Variants in USP26 observed in about 807,000 individuals in gnomAD.
USP26 encodes ubiquitin specific peptidase 26.
For synonymous variants in USP26, 236 were observed against 240.6 expected, an observed-to-expected ratio of 0.98 and a Z score of 0.18; for missense variants, 649 against 642.3, an observed-to-expected ratio of 1.01 and a Z score of -0.11.
At position 133,032,161 on chromosome X, in the gene USP26, G is replaced by A. The variant is rs1490974422; in HGVS notation, c.-76-3865C>T. 4.6e-5 allele frequency among the ~76,000 whole-genome samples: 5 copies of A among 109,620 alleles called. 1 individual carries two copies. Among genetic ancestry groups the A allele is most frequent in the African/African-American group, 1.7e-4 (5 of 29,883 alleles). The stretch of plus-strand genomic sequence containing the variant: ...GAAACTCTGTCTCAAAAAAGCAAAA[G>A]AAAAAAACCCAACCAACCAACCAAC... On this transcript the variant is annotated intron_variant, in intron 5 of 5. Transcript: ENST00000511190.
At chrX:133,045,293 C>T (rs948137270) in intron 5 of USP26, among the ~76,000 whole-genome samples, 13 of 111,763 alleles carry the variant, frequency 1.2e-4, no homozygotes, top group South Asian at 3.8e-4. Context: ...GGATTGTAAA[C>T]GCACCAATCA....
At chrX:133,050,573 G>A (rs1453032813) in intron 5 of USP26, among the ~76,000 whole-genome samples, 1 of 111,231 alleles carries the variant, frequency 9.0e-6, no homozygotes, top group Non-Finnish European at 1.9e-5. Flanking sequence ...ATTCACTAGA[G>A]GATAGAATAA....
chrX:133,040,533 G>A (rs1274658261), intron 5 of USP26, among the ~76,000 whole-genome samples: 1 of 111,781 alleles, frequency 8.9e-6, no homozygotes, highest in African/African-American at 3.3e-5. Flanking sequence ...CTCTTTTCTG[G>A]CTTGTAGGGT....
intron 4 of USP26, among the ~76,000 whole-genome samples, chrX:133,085,312 T>A (rs2067585090): frequency 1.8e-5 from 2 of 112,578 alleles, no homozygotes; most frequent in African/African-American, 3.2e-5. Flanking sequence ...TGGTTTTCCA[T>A]TCCTGAGTTA....
At chrX:133,074,199 C>A (rs1399960480) in intron 5 of USP26, among the ~76,000 whole-genome samples, 1 of 112,250 alleles carries the variant, frequency 8.9e-6, no homozygotes, top group Admixed American at 9.4e-5. Context: ...CAGTATCAGA[C>A]TGTGGACTAA....
At position 133,025,480 on chromosome X, in the gene USP26, T is replaced by C. The variant is rs776239206; in HGVS notation, c.2741A>G (p.Ter914=). The C allele has an allele frequency of 6.1e-5, 74 of 1,209,239 alleles. No homozygotes were observed. The highest frequency in any genetic ancestry group is 7.9e-5 in the Non-Finnish European group (71 of 895,012). ...TGTACAAGGAGGAGTACGTTCCTCT[T>C]ATTCCTTCTGAAGGGTCTCCTCTAC... ...KEVEETLQKE[*] Residue 914 remains the stop codon, a stop_retained_variant, in exon 6 of 6, where the codon TAA becomes TGA. Transcript: ENST00000511190.
intron 5 of USP26, among the ~76,000 whole-genome samples, chrX:133,045,677 C>T (rs1190264097): frequency 9.0e-6 from 1 of 111,168 alleles, no homozygotes; most frequent in Non-Finnish European, 1.9e-5. Context: ...CAGCTTCGCT[C>T]CTGAGCCAGC....
intron 5 of USP26, among the ~76,000 whole-genome samples, chrX:133,061,481 T>C (rs2067494075): frequency 8.9e-6 from 1 of 112,792 alleles, no homozygotes. Flanking sequence ...TGTGAAATGT[T>C]TGCCCTAATA....
At chrX:133,096,335 G>A (rs1043872587) in intron 1 of USP26, among the ~76,000 whole-genome samples, 8 of 110,563 alleles carry the variant, frequency 7.2e-5, no homozygotes, top group Non-Finnish European at 1.5e-4. Context: ...GCAAAATAGC[G>A]AATGACCAAC....
chrX:133,025,577 A>G lies in USP26; in HGVS notation c.2644T>C (p.Phe882Leu). The change falls in exon 6 of 6, where the codon TTT (phenylalanine) becomes CTT (leucine). Residue 882 changes from phenylalanine (F) to leucine (L), a missense_variant. Physicochemically the swap from Phe to Leu is conservative, Grantham distance 22. Transcript: ENST00000511190. ...EDRRCTGYIFFYMHNEIFEEM... is the reference protein window; with the variant it reads ...EDRRCTGYIFLYMHNEIFEEM... ...TCAAAGATCTCATTATGCATGTAAA[A>G]GAAGATGTACCCAGTGCAACGCCTA... is the stretch of plus-strand genomic sequence containing the variant. 6.6e-6 allele frequency: 8 copies of G among 1,211,459 alleles called. No homozygotes were observed. Among genetic ancestry groups the G allele is most frequent in the Non-Finnish European group, 8.9e-6 (8 of 895,462 alleles).
chrX:133,050,455 G>C (rs1481859491), intron 5 of USP26, among the ~76,000 whole-genome samples: 1 of 111,995 alleles, frequency 8.9e-6, no homozygotes, highest in Non-Finnish European at 1.9e-5. Context: ...TTTTTAACTA[G>C]TCTCAAATGA....
chrX:133,040,397 A>C (rs749182514), intron 5 of USP26, among the ~76,000 whole-genome samples: 1 of 111,113 alleles, frequency 9.0e-6, no homozygotes, highest in South Asian at 3.8e-4. Context: ...TGGTGACAAA[A>C]TCCCTCAGCA....
At chrX:133,084,143 C>T (rs2067579752) in intron 4 of USP26, among the ~76,000 whole-genome samples, 1 of 112,291 alleles carries the variant, frequency 8.9e-6, no homozygotes. Flanking sequence ...AGCCACAGTA[C>T]AGCACTCTCA....
Position 133,027,149 on chromosome X carries a change from C to T in USP26, c.1072G>A (p.Glu358Lys). ...TTTTTAAGATTCAAGAGTAACATCT[C>T]CTTGATTTCTATATTATAGGTATCT... Reference protein sequence around the residue: ...FKDTYNIEIKEMLLLNLKKAI... With the variant: ...FKDTYNIEIKKMLLLNLKKAI... The change falls in exon 6 of 6, where the codon GAG becomes AAG. Residue 358 changes from glutamate (E) to lysine (K), a missense_variant. Physicochemically the swap from Glu to Lys is moderately conservative, Grantham distance 56. Transcript: ENST00000511190. 1 of 1,210,457 alleles carries T rather than the reference C, an allele frequency of 8.3e-7. No individual in the cohort carries two copies. The highest frequency in any genetic ancestry group is 3.0e-5 in the East Asian group (1 of 33,802).
chrX:133,067,349 A>G (rs1009562102), intron 5 of USP26, among the ~76,000 whole-genome samples: 1 of 112,557 alleles, frequency 8.9e-6, no homozygotes, highest in Non-Finnish European at 1.9e-5. Flanking sequence ...CAGAAATACC[A>G]TTTGGCCTGG....
Position 133,027,725 on chromosome X carries a change from T to G in USP26, c.496A>C (p.Thr166Pro). Residue 166 changes from threonine to proline, a missense_variant, in exon 6 of 6, where the codon ACA (threonine) becomes CCA (proline). Transcript: ENST00000511190. ...TCTGATAACTCTCCGCAAGTAAGTG[T>G]CAATTTTGATGTAAGCAAAGGCATC... Reference protein sequence around the residue: ...QRMPLLTSKLTLTCGELSENQ... With the variant: ...QRMPLLTSKLPLTCGELSENQ... 3 of 1,209,686 alleles carry G rather than the reference T, an allele frequency of 2.5e-6. No individual in the cohort carries two copies. The highest frequency in any genetic ancestry group is 3.4e-6 in the Non-Finnish European group (3 of 893,899).
rs187731340 is a variant in USP26, at chrX:133,054,705, A to G, written c.-76-26409T>C. On this transcript the variant is annotated intron_variant, in intron 5 of 5. Coordinates refer to ENST00000511190, the MANE Select transcript of USP26 (RefSeq NM_031907.3). The stretch of plus-strand genomic sequence containing the variant: ...AATCTGAGTGACTTGAAAATTGAAG[A>G]CCATCCACTTGGATAAATTATTTGG... Among the ~76,000 whole-genome samples the G allele has an allele frequency of 2.9e-4, 32 of 111,590 alleles. No individual in the cohort carries two copies. The East Asian group carries it at 8.5e-3, about 30-fold the overall frequency.
At chrX:133,094,985 C>G (rs747886462) in intron 1 of USP26, among the ~76,000 whole-genome samples, 10 of 107,015 alleles carry the variant, frequency 9.3e-5, no homozygotes, top group Middle Eastern at 4.4e-3. Context: ...ATCCCAGCTA[C>G]TTGGGAGGCT....
rs180975582 is a variant in USP26 at position 133,067,661 on chromosome X, G to T, written c.-77+16046C>A. 3.5e-3 allele frequency among the ~76,000 whole-genome samples: 397 copies of T among 111,987 alleles called. 2 individuals are homozygous for T. The highest frequency in any genetic ancestry group is 0.012 in the African/African-American group (375 of 30,856). On this transcript the variant is annotated intron_variant, in intron 5 of 5. Transcript: ENST00000511190. ...CACCGCATGTTCTCACTCATAATTG[G>T]CAGTTGAACAATGAGAACACATGGA...
Sources: gnomAD v4.1 joint callset for allele counts (sites outside exome capture counted in the v4.1 genomes callset) on GRCh38, gnomAD v4.1.1 for gene constraint, MANE v1.5 for transcripts, NCBI Gene and HGNC (gene_info 2026-07-23, HGNC 2026-07-21) for gene names.